Variants in THOC7 observed in about 807,000 individuals in gnomAD.
THOC7 encodes the protein THO complex subunit 7.
Under a neutral mutation model 33.1 loss-of-function variants are expected in THOC7, and 22 were observed. The observed-to-expected ratio is 0.66, with a 90% CI of 0.47 to 0.95. THOC7 has a LOEUF of 0.95. Ranked by LOEUF, THOC7 falls within the 40% of genes least tolerant of loss-of-function variation. The pLI is 0.00. For missense variants in THOC7, 184 were observed against 245.3 expected (o/e 0.75, Z 1.67); for synonymous variants, 77 against 76.8 (o/e 1.00, Z -0.01).
chr3:63,863,797 C>CGCG lies in THOC7; in HGVS notation c.-10_-8dup, dbSNP rs546741642. 6,974 of 1,245,232 alleles carry CGCG rather than the reference C, an allele frequency of 5.6e-3. 24 individuals carry two copies. The highest frequency in any genetic ancestry group is 7.7e-3 in the African/African-American group (494 of 63,846). The allele number at this position is 1,245,232 out of a possible 1,614,324, so 77.1% of individuals were successfully genotyped here. On this transcript the variant is annotated 5_prime_UTR_variant, in exon 1 of 8. Coordinates refer to ENST00000295899, the MANE Select transcript of THOC7 (RefSeq NM_025075.4). ...CGTCAGTCACGGCTCCCATGGCGTG[C>CGCG]GCGGCGGCGGCGGCGGCGGCGGCGG...
intron 1 of THOC7, among the ~76,000 whole-genome samples, chr3:63,844,270 T>C (rs1701838517): frequency 6.6e-6 from 1 of 152,196 alleles, no homozygotes. Context: ...GAGCAATAAA[T>C]TTCAAGAGAC....
intron 1 of THOC7, among the ~76,000 whole-genome samples, chr3:63,856,687 A>T (rs991341777): frequency 2.0e-5 from 3 of 152,084 alleles, no homozygotes; most frequent in South Asian, 4.1e-4. Flanking sequence ...TGCTTTTCAC[A>T]TATAAACACA....
At chr3:63,840,754 G>A (rs995523895) in intron 1 of THOC7, among the ~76,000 whole-genome samples, 5 of 152,130 alleles carry the variant, frequency 3.3e-5, no homozygotes, top group Admixed American at 1.3e-4. Context: ...ACAGTAAAAC[G>A]TCATTTTTCA....
chr3:63,863,839 G>C, upstream of THOC7: 3 of 1,220,692 alleles, frequency 2.5e-6, no homozygotes, highest in Non-Finnish European at 3.0e-6. Flanking sequence ...CTGAGGCGGC[G>C]GTTGGCGGCG....
chr3:63,854,672 A>T (rs936634339), intron 1 of THOC7: 15 of 152,182 alleles, frequency 9.9e-5, no homozygotes, highest in Admixed American at 5.2e-4. Context: ...GGATAATACC[A>T]TCCATCTAGC....
chr3:63,860,693 A>G (rs1702193367), intron 1 of THOC7: 1 of 151,996 alleles, frequency 6.6e-6, no homozygotes, highest in African/African-American at 2.4e-5. Flanking sequence ...GGATCACCCC[A>G]CTTCTGACTT....
chr3:63,860,731 C>A (rs1490058517), intron 1 of THOC7: 2 of 152,126 alleles, frequency 1.3e-5, no homozygotes, highest in Non-Finnish European at 2.9e-5. Flanking sequence ...TCTCAATGTT[C>A]TTTTTGTCTT....
chr3:63,853,480 A>G (rs147221777), intron 1 of THOC7, among the ~76,000 whole-genome samples: 145 of 152,362 alleles, frequency 9.5e-4, no homozygotes, highest in African/African-American at 3.4e-3. Context: ...ATCTGATTTC[A>G]TCTGTAAAAT....
chr3:63,833,903 G>T lies in THOC7; in HGVS notation c.*229C>A. 2.3e-6 allele frequency: 1 copy of T among 440,968 alleles called. No individual in the cohort carries two copies. The highest frequency in any genetic ancestry group is 4.0e-6 in the Non-Finnish European group (1 of 250,032). The allele number at this position is 440,968 out of a possible 1,614,324, so 27.3% of individuals were successfully genotyped here. A position where few individuals can be genotyped will look rare whatever the true frequency, so the allele number is the denominator to read the frequency against. On this transcript the variant is annotated 3_prime_UTR_variant, in exon 8 of 8. Transcript: ENST00000295899. Reference sequence around the variant, plus strand: ...AAAAGCATTTTATTAAGCATTTTTGGATGTTGCTTCCTACCACTTAAGAAT... The same window carrying T: ...AAAAGCATTTTATTAAGCATTTTTGTATGTTGCTTCCTACCACTTAAGAAT...
chr3:63,860,729 T>G (rs1018185822), intron 1 of THOC7: 2 of 152,228 alleles, frequency 1.3e-5, no homozygotes, highest in African/African-American at 4.8e-5. Flanking sequence ...AATCTCAATG[T>G]TCTTTTTGTC....
chr3:63,839,220 C>G (rs377428494), intron 2 of THOC7, among the ~76,000 whole-genome samples: 2 of 152,138 alleles, frequency 1.3e-5, no homozygotes, highest in Non-Finnish European at 2.9e-5. Context: ...TACGTGTGTG[C>G]GTGTGTATCA....
rs1223832694 is a variant in THOC7, at chr3:63,843,606, T to TA, written c.20-3834dup. On this transcript the variant is annotated intron_variant, in intron 1 of 7. Coordinates refer to ENST00000295899, the MANE Select transcript of THOC7 (RefSeq NM_025075.4). ...GGTGTTTACCAACAGATGAATGAAT[T>TA]AAAAAAAATGTGGGCTGGGCGTGGT... 5.9e-5 allele frequency among the ~76,000 whole-genome samples: 9 copies of TA among 151,764 alleles called. No homozygotes were observed. The East Asian group carries it at 1.8e-3, about 30-fold the overall frequency.
chr3:63,854,993 G>A (rs934932225), intron 1 of THOC7, among the ~76,000 whole-genome samples: 5 of 150,724 alleles, frequency 3.3e-5, no homozygotes, highest in Non-Finnish European at 5.9e-5. Flanking sequence ...GGGCGACAGA[G>A]CGAGACTCCG....
chr3:63,842,747 A>T (rs1701795019), intron 1 of THOC7, among the ~76,000 whole-genome samples: 1 of 152,132 alleles, frequency 6.6e-6, no homozygotes, highest in Admixed American at 6.5e-5. Context: ...CATTGGGTAC[A>T]CTGGGTATAA....
intron 1 of THOC7, among the ~76,000 whole-genome samples, chr3:63,847,712 G>T (rs1575810474): frequency 2.9e-5 from 1 of 34,534 alleles, no homozygotes; most frequent in East Asian, 6.5e-4. Context: ...ACTCCAGTCT[G>T]GGCAACAGAG....
chr3:63,835,452 CCTAA>C, intron 5 of THOC7, 62 bp from the exon 6 acceptor site: 1 of 1,479,086 alleles, frequency 6.8e-7, no homozygotes, highest in Non-Finnish European at 9.3e-7. Flanking sequence ...ACAATTAATG[CCTAA>C]CTTTTAAGTT....
intron 2 of THOC7, 147 bp downstream of exon 2, chr3:63,839,509 C>G: frequency 2.7e-6 from 2 of 727,880 alleles, no homozygotes; most frequent in Non-Finnish European, 4.8e-6. Flanking sequence ...GAAGAAAAGG[C>G]CAAGAAAATC....
Position 63,839,639 on chromosome 3 carries a change from C to G in THOC7, c.137+17G>C. 3 of 1,602,530 alleles carry G rather than the reference C, an allele frequency of 1.9e-6. No homozygotes were observed. The highest frequency in any genetic ancestry group is 2.6e-6 in the Non-Finnish European group (3 of 1,171,320). On this transcript the variant is annotated intron_variant, in intron 2 of 7. Transcript: ENST00000295899. ...CATTAGGACACTGGTATGGAAACAACAGTGAAAATGAAATACCCCTCTTCC... is the reference window on the plus strand; with the variant it reads ...CATTAGGACACTGGTATGGAAACAAGAGTGAAAATGAAATACCCCTCTTCC...
chr3:63,856,477 T>C (rs993974395), intron 1 of THOC7, among the ~76,000 whole-genome samples: 3 of 152,166 alleles, frequency 2.0e-5, no homozygotes, highest in African/African-American at 7.2e-5. Context: ...TATTTTGCAT[T>C]GTATGCATGT....
Sources: allele counts gnomAD v4.1 joint callset (sites outside exome capture counted in the v4.1 genomes callset), GRCh38; gene constraint gnomAD v4.1.1; transcripts MANE v1.5; gene names NCBI Gene and HGNC (gene_info 2026-07-23, HGNC 2026-07-21).